AGRN: variants seen among roughly 807,000 people sequenced by gnomAD.
AGRN encodes the protein agrin proteoglycan.
Under a neutral mutation model 211.0 loss-of-function variants are expected in AGRN, and 106 were observed. That is an observed-to-expected ratio of 0.50 (90% CI 0.43 to 0.59). The LOEUF (loss-of-function observed/expected upper bound fraction) is 0.59. Among genes scored for constraint, AGRN ranks in the 20% least tolerant of loss-of-function variants. The pLI is 0.00. For synonymous variants in AGRN, 1,525 were observed against 1,332.5 expected (o/e 1.14, Z -3.15); for missense variants, 3,040 against 2,982.6 (o/e 1.02, Z -0.45).
Position 1,022,329 on chromosome 1 carries a change from G to T in AGRN, c.330G>T (p.Gly110=). ...PLICDNQVST[G]DTRIFFVNPA... Reference sequence around the variant, plus strand: ...TCTGTGACAACCAGGTGTCCACTGGGGACACCAGGATCTTCTTTGTGAACC... The same window carrying T: ...TCTGTGACAACCAGGTGTCCACTGGTGACACCAGGATCTTCTTTGTGAACC... Residue 110 remains glycine (G), a synonymous_variant, in exon 2 of 36, where the codon GGG becomes GGT. Coordinates refer to ENST00000379370, the MANE Select transcript of AGRN (RefSeq NM_198576.4). The T allele has an allele frequency of 6.2e-7, 1 of 1,613,370 alleles. No homozygotes were observed. Among genetic ancestry groups the T allele is most frequent in the Non-Finnish European group, 8.5e-7 (1 of 1,180,008 alleles).
chr1:1,025,615 C>T (rs1478639044), intron 2 of AGRN, among the ~76,000 whole-genome samples: 2 of 152,150 alleles, frequency 1.3e-5, no homozygotes, highest in African/African-American at 2.4e-5. Flanking sequence ...CATCCTGCCC[C>T]CTGGTTCCCC....
chr1:1,043,780 C>T (rs1230346734), intron 9 of AGRN, 43 bp from the exon 10 acceptor site: 10 of 1,606,066 alleles, frequency 6.2e-6, no homozygotes, highest in African/African-American at 1.3e-5. Flanking sequence ...GTGCCTCCCT[C>T]AGCCTGGGCC....
chr1:1,034,527 AGT>A (rs1430415235), intron 2 of AGRN: 1 of 985,788 alleles, frequency 1.0e-6, no homozygotes, highest in Non-Finnish European at 1.2e-6. Flanking sequence ...ACGCTCTGAG[AGT>A]GGGGCGCAGA....
At position 1,053,694 on chromosome 1, in the gene AGRN, C is replaced by A. The variant is rs1018238323; in HGVS notation, c.5652-59C>A. ...AGCTGGGGCCCTTGTCCTCCCGCCT[C>A]CCCCACCCTGTCCTGTTGCCACCTT... On this transcript the variant is annotated intron_variant, in intron 33 of 35. Transcript: ENST00000379370. 4 of 1,502,684 alleles carry A rather than the reference C, an allele frequency of 2.7e-6. No individual in the cohort carries two copies. The African/African-American group carries it at 4.2e-5, about 16-fold the overall frequency. The allele number at this position is 1,502,684 out of a possible 1,614,324, so 93.1% of individuals were successfully genotyped here.
At chr1:1,021,450 C>T (rs1458766562) in intron 1 of AGRN, among the ~76,000 whole-genome samples, 1 of 152,242 alleles carries the variant, frequency 6.6e-6, no homozygotes, top group East Asian at 1.9e-4. Flanking sequence ...AGGGGCTGCG[C>T]AGTGGACAGG....
chr1:1,035,049 T>G (rs1570171584), intron 2 of AGRN: 1 of 614,386 alleles, frequency 1.6e-6, no homozygotes, highest in South Asian at 2.0e-5. Flanking sequence ...CTGACAGGGG[T>G]CAGGCCATGA....
rs557496568 is a variant in AGRN at position 1,047,563 on chromosome 1, C to T, written c.3517-10C>T. On this transcript the variant is annotated splice_polypyrimidine_tract_variant and intron_variant, in intron 20 of 35. Coordinates refer to ENST00000379370, the MANE Select transcript of AGRN (RefSeq NM_198576.4). ...CGGCCCCCCAAGTCCTTGCCTACTC[C>T]CTGCCACAGCTGGACGACCTCTTCC... The T allele has an allele frequency of 4.3e-6, 7 of 1,612,874 alleles. No individual in the cohort carries two copies. The Admixed American group carries it at 5.0e-5, about 12-fold the overall frequency.
Position 1,048,002 on chromosome 1 carries a change from G to C in AGRN, c.3752-10G>C. The C allele has an allele frequency of 6.3e-7, 1 of 1,575,220 alleles. No homozygotes were observed. Among genetic ancestry groups the C allele is most frequent in the Non-Finnish European group, 8.6e-7 (1 of 1,162,450 alleles). ...TCCCAGGAAACCCTAACAGCTCCCT[G>C]TGCCGGCAGACTGGTTTCCTGCGTT... On this transcript the variant is annotated splice_polypyrimidine_tract_variant and intron_variant, in intron 22 of 35. Transcript: ENST00000379370. The surrounding 1 kb of genome is among the most constrained non-coding windows in gnomAD (Gnocchi z 5.9).
At chr1:1,034,570 G>A (rs1644754934) in intron 2 of AGRN, 2 of 986,408 alleles carry the variant, frequency 2.0e-6, no homozygotes, top group Non-Finnish European at 2.4e-6. Context: ...CTCCGCTGCC[G>A]CTGGCGCGGG....
In AGRN at chr1:1,031,542, G is replaced by A. The variant is rs1330719209; in HGVS notation, c.464-3735G>A. 2.0e-5 allele frequency among the ~76,000 whole-genome samples: 3 copies of A among 152,148 alleles called. No individual in the cohort carries two copies. Among genetic ancestry groups the A allele is most frequent in the East Asian group, 1.9e-4 (1 of 5,202 alleles). On this transcript the variant is annotated intron_variant, in intron 2 of 35. Transcript: ENST00000379370. The surrounding 1 kb of genome is among the most constrained non-coding windows in gnomAD (Gnocchi z 4.8). ...GACTGGGGCTGGGTGGGGCCAGGCT[G>A]CCTGCCTGGTTCCCCTTCCCCTGGC... is the stretch of plus-strand genomic sequence containing the variant.
chr1:1,037,545 T>C (rs1238732209), intron 3 of AGRN, among the ~76,000 whole-genome samples: 1 of 152,002 alleles, frequency 6.6e-6, no homozygotes, highest in Admixed American at 6.5e-5. Flanking sequence ...CCTCCAGCGT[T>C]GCACACAGTG....
At chr1:1,047,933 C>T (rs1439550565) in intron 22 of AGRN, 38 bp downstream of exon 22, 1 of 1,599,138 alleles carries the variant, frequency 6.3e-7, no homozygotes, top group Non-Finnish European at 8.5e-7. Context: ...TACCTGCCCC[C>T]TCCTCTGCCC....
chr1:1,035,963 G>A lies in AGRN; in HGVS notation c.511+639G>A, dbSNP rs887171817. ...TCATCGGGGTGGTGTGAGGGTGTGAGGGGAAGAGAGGAAGTGGTCAGCTTT... is the reference window on the plus strand; with the variant it reads ...TCATCGGGGTGGTGTGAGGGTGTGAAGGGAAGAGAGGAAGTGGTCAGCTTT... On this transcript the variant is annotated intron_variant, in intron 3 of 35. Coordinates refer to ENST00000379370, the MANE Select transcript of AGRN (RefSeq NM_198576.4). Among the ~76,000 whole-genome samples the A allele has an allele frequency of 5.3e-5, 8 of 152,178 alleles. No homozygotes were observed. The South Asian group carries it at 1.5e-3, about 28-fold the overall frequency.
chr1:1,049,539 C>T, intron 25 of AGRN, 27 bp from the exon 26 acceptor site: 1 of 1,590,050 alleles, frequency 6.3e-7, no homozygotes, highest in African/African-American at 1.3e-5. Flanking sequence ...CCCCTGAGCC[C>T]TGACCCGGTG....
chr1:1,033,333 G>A (rs1644714997), intron 2 of AGRN, among the ~76,000 whole-genome samples: 1 of 151,828 alleles, frequency 6.6e-6, no homozygotes, highest in Admixed American at 6.6e-5. Flanking sequence ...CCGCCAGGGC[G>A]GGGCCGCGGG....
intron 27 of AGRN, 27 bp from the exon 28 acceptor site, chr1:1,050,206 C>T (rs1443103500): frequency 1.2e-6 from 2 of 1,612,356 alleles, no homozygotes; most frequent in Non-Finnish European, 1.7e-6. Context: ...GGGGTCAGGA[C>T]TGAGGCCTTG....
Position 1,047,640 on chromosome 1 carries a change from G to A in AGRN, c.3584G>A (p.Gly1195Glu). The part of the protein sequence containing the change: ...DFRSVRLRDL[G>E]PGKSVRAIVD... Reference sequence around the variant, plus strand: ...CGGAGTGTCCGCTTGCGGGACCTGGGGCCCGGCAAATCCGTCCGCGCCATT... The same window carrying A: ...CGGAGTGTCCGCTTGCGGGACCTGGAGCCCGGCAAATCCGTCCGCGCCATT... The change falls in exon 21 of 36, where the codon GGG becomes GAG. Residue 1195 changes from glycine (G) to glutamate (E), a missense_variant. Coordinates refer to ENST00000379370, the MANE Select transcript of AGRN (RefSeq NM_198576.4). The A allele has an allele frequency of 6.2e-7, 1 of 1,613,062 alleles. No individual in the cohort carries two copies.
rs1375998361 is a variant in AGRN at position 1,046,930 on chromosome 1, C to A, written c.3361C>A (p.Leu1121Met). ...CTGCTCTGATGGGAAGACGCCCTCG[C>A]TGGACGCAGAGGGCTCCAACTGCCC... ...GCCSDGKTPS[L>M]DAEGSNCPAT... The change falls in exon 19 of 36, where the codon CTG (leucine) becomes ATG (methionine). Residue 1121 changes from leucine (L) to methionine (M), a missense_variant. Leu to Met is a conservative substitution (Grantham distance 15). Transcript: ENST00000379370. The A allele has an allele frequency of 6.3e-7, 1 of 1,580,108 alleles. No homozygotes were observed. The highest frequency in any genetic ancestry group is 8.6e-7 in the Non-Finnish European group (1 of 1,163,856).
At chr1:1,027,966 C>T (rs963845571) in intron 2 of AGRN, among the ~76,000 whole-genome samples, 5 of 152,236 alleles carry the variant, frequency 3.3e-5, no homozygotes, top group African/African-American at 4.8e-5. Context: ...ACGGCCGCCC[C>T]GGCCCACAGC....
Sources: allele counts gnomAD v4.1 joint callset (sites outside exome capture counted in the v4.1 genomes callset), GRCh38; gene constraint gnomAD v4.1.1; non-coding constraint Gnocchi (gnomAD v3.1); transcripts MANE v1.5; gene names NCBI Gene and HGNC (gene_info 2026-07-23, HGNC 2026-07-21).